Variants in CLIC2 observed in about 807,000 individuals in gnomAD.
The protein encoded by CLIC2 is chloride intracellular channel protein 2.
In CLIC2, 9 loss-of-function variants were observed where a neutral mutation model predicts 14.8. The ratio of observed to expected loss-of-function variants is 0.61; its 90% CI spans 0.37 to 1.06. The LOEUF is 1.06. CLIC2 is among the 50% of genes least tolerant of loss of function. The pLI is 0.01. For missense variants in CLIC2, 148 were observed against 181.4 expected (o/e 0.82, Z 1.06); for synonymous variants, 61 against 66.3 (o/e 0.92, Z 0.39).
chrX:155,279,815 G>A (rs781936714), intron 4 of CLIC2, 147 bp downstream of exon 4: 29 of 460,046 alleles, frequency 6.3e-5, no homozygotes, highest in Non-Finnish European at 9.6e-5. Context: ...AACTTCATGC[G>A]AGGGAATTTC....
intron 1 of CLIC2, among the ~76,000 whole-genome samples, chrX:155,304,837 C>T (rs2075042511): frequency 2.4e-5 from 2 of 82,676 alleles, no homozygotes; most frequent in African/African-American, 3.8e-5. Context: ...GAGTACCCTG[C>T]CGTGTGAGGT....
Position 155,280,735 on chromosome X carries a change from A to G in CLIC2, c.294-667T>C, listed in dbSNP as rs782680944. ...AGAAAAATATGGTTTCAAATATTAC[A>G]ACTTATAAAACAAATGGTGGAATAA... On this transcript the variant is annotated intron_variant, in intron 3 of 5. Coordinates refer to ENST00000369449, the MANE Select transcript of CLIC2 (RefSeq NM_001289.6). Among the ~76,000 whole-genome samples, 10 of 110,877 alleles carry G rather than the reference A, an allele frequency of 9.0e-5. No homozygotes were observed. In the East Asian group the frequency reaches 2.2e-3, roughly 25 times the overall value.
intron 1 of CLIC2, among the ~76,000 whole-genome samples, chrX:155,316,372 C>G (rs1557321085): frequency 8.9e-6 from 1 of 111,832 alleles, no homozygotes; most frequent in Non-Finnish European, 1.9e-5. Context: ...AGGCACAAAA[C>G]AAGTCTCAGT....
intron 3 of CLIC2, among the ~76,000 whole-genome samples, chrX:155,289,487 G>T (rs1557317391): frequency 8.9e-6 from 1 of 111,889 alleles, no homozygotes; most frequent in East Asian, 2.8e-4. Context: ...TAAATACTAG[G>T]ACTTTAAAGT....
intron 1 of CLIC2, among the ~76,000 whole-genome samples, chrX:155,330,155 T>C (rs1557322683): frequency 9.0e-6 from 1 of 111,144 alleles, no homozygotes; most frequent in African/African-American, 3.3e-5. Context: ...CAGTGAAAAA[T>C]AATTTAATTG....
Position 155,308,909 on chromosome X carries a change from A to G in CLIC2, c.58-9764T>C, listed in dbSNP as rs184120851. On this transcript the variant is annotated intron_variant, in intron 1 of 5. Transcript: ENST00000369449. ...CCAGATATACCCTACAAGAAATGCT[A>G]AAGGGAGTACTTCAATCAGAAAAAA... Among the ~76,000 whole-genome samples, 3 of 111,958 alleles carry G rather than the reference A, an allele frequency of 2.7e-5. No individual in the cohort carries two copies. In the Admixed American group the frequency reaches 2.9e-4, roughly 11 times the overall value.
chrX:155,317,060 G>C (rs1408143402), intron 1 of CLIC2, among the ~76,000 whole-genome samples: 1 of 111,102 alleles, frequency 9.0e-6, no homozygotes. Flanking sequence ...TTAACCATCA[G>C]AGTGGTGCTA....
At chrX:155,285,769 C>G (rs1557317018) in intron 3 of CLIC2, among the ~76,000 whole-genome samples, 1 of 110,893 alleles carries the variant, frequency 9.0e-6, no homozygotes, top group Non-Finnish European at 1.9e-5. Context: ...ACGGAGCTAT[C>G]ATCCTAGGTT....
At chrX:155,327,959 TC>T (rs781959127) in intron 1 of CLIC2, among the ~76,000 whole-genome samples, 1 of 111,116 alleles carries the variant, frequency 9.0e-6, no homozygotes, top group East Asian at 2.8e-4. Flanking sequence ...ATATTAAACA[TC>T]CCTTTATGAC....
chrX:155,286,062 GATT>G (rs2074941698), intron 3 of CLIC2, among the ~76,000 whole-genome samples: 1 of 111,493 alleles, frequency 9.0e-6, no homozygotes, highest in Non-Finnish European at 1.9e-5. Flanking sequence ...TTGCTGTACA[GATT>G]ATTTCATCAC....
In CLIC2 at chrX:155,284,399, A is replaced by C. The variant is rs782290560; in HGVS notation, c.294-4331T>G. Among the ~76,000 whole-genome samples, 38 of 109,216 alleles carry C rather than the reference A, an allele frequency of 3.5e-4. 1 individual carries two copies. Among genetic ancestry groups the C allele is most frequent in the Admixed American group, 3.4e-3 (35 of 10,187 alleles). The allele number at this position is 109,216 out of a possible 115,157, so 94.8% of individuals were successfully genotyped here. A position where few individuals can be genotyped will look rare whatever the true frequency, so the allele number is the denominator to read the frequency against. ...CTCAGCCTCCCGAGTAGCTGGGATT[A>C]CAGGCATGCACCACCACGCCTGGCT... On this transcript the variant is annotated intron_variant, in intron 3 of 5. Transcript: ENST00000369449.
At chrX:155,293,040 C>T (rs1411256445) in intron 3 of CLIC2, 15 of 640,978 alleles carry the variant, frequency 2.3e-5, no homozygotes, top group African/African-American at 4.4e-5. Context: ...CAGCCCTGTA[C>T]GAGGCCACTC....
At position 155,294,596 on chromosome X, in the gene CLIC2, T is replaced by C. The variant is rs910468372; in HGVS notation, c.293+4189A>G. Among the ~76,000 whole-genome samples the C allele has an allele frequency of 3.6e-5, 4 of 111,604 alleles. No homozygotes were observed. The East Asian group carries it at 1.1e-3, about 31-fold the overall frequency. On this transcript the variant is annotated intron_variant, in intron 3 of 5. Transcript: ENST00000369449. ...GACTAAAAAATACAAAGCATCATGA[T>C]TGAAAAAGTTGGTTTTTGTTAAATT...
At chrX:155,292,566 C>T (rs782771067) in intron 3 of CLIC2, 13 of 403,814 alleles carry the variant, frequency 3.2e-5, no homozygotes, top group African/African-American at 1.1e-4. Flanking sequence ...GTCAGGAGAT[C>T]GAGACCATCC....
intron 1 of CLIC2, among the ~76,000 whole-genome samples, chrX:155,324,802 G>GA (rs1210595625): frequency 4.5e-5 from 5 of 111,852 alleles, no homozygotes; most frequent in South Asian, 7.4e-4. Context: ...CATGGCAAAA[G>GA]AAACTGTCAT....
At chrX:155,304,167 G>T (rs1425222634) in intron 1 of CLIC2, among the ~76,000 whole-genome samples, 25 of 108,528 alleles carry the variant, frequency 2.3e-4, no homozygotes, top group African/African-American at 7.4e-4. Context: ...ATAATATCCC[G>T]CAGAGTGTTT....
intron 1 of CLIC2, among the ~76,000 whole-genome samples, chrX:155,315,732 T>C (rs1302920631): frequency 1.8e-5 from 2 of 109,940 alleles, no homozygotes; most frequent in Non-Finnish European, 3.8e-5. Context: ...AGGCAACAAA[T>C]AGCATGATGA....
rs186514111 is a variant in CLIC2 at position 155,290,763 on chromosome X, A to G, written c.293+8022T>C. 1.6e-4 allele frequency: 102 copies of G among 640,252 alleles called. No homozygotes were observed. The East Asian group carries it at 3.2e-3, about 20-fold the overall frequency. 52.8% of individuals were successfully genotyped at this position (640,252 alleles called of 1,213,427 possible). A position where few individuals can be genotyped will look rare whatever the true frequency, so the allele number is the denominator to read the frequency against. Reference sequence around the variant, plus strand: ...GGCCAAAATTATAATTTCATTTTTTATGTTTATTTCCAACTGCACATAGTT... The same window carrying G: ...GGCCAAAATTATAATTTCATTTTTTGTGTTTATTTCCAACTGCACATAGTT... On this transcript the variant is annotated intron_variant, in intron 3 of 5. Coordinates refer to ENST00000369449, the MANE Select transcript of CLIC2 (RefSeq NM_001289.6).
At chrX:155,311,799 AGGCACATCTCACAT>A (rs2075075254) in intron 1 of CLIC2, among the ~76,000 whole-genome samples, 1 of 111,771 alleles carries the variant, frequency 8.9e-6, no homozygotes, top group Non-Finnish European at 1.9e-5. Flanking sequence ...AGAAGGTGAA[AGGCACATCTCACAT>A]GGCAGCAGAC....
Sources: allele counts gnomAD v4.1 joint callset (sites outside exome capture counted in the v4.1 genomes callset), GRCh38; gene constraint gnomAD v4.1.1; transcripts MANE v1.5; gene names NCBI Gene and HGNC (gene_info 2026-07-23, HGNC 2026-07-21).